GGA2: variants seen among roughly 807,000 people sequenced by gnomAD.
The protein encoded by GGA2 is ADP-ribosylation factor-binding protein GGA2.
GGA2 carries 48 observed loss-of-function variants against 79.5 expected under a neutral mutation model. That is an observed-to-expected ratio of 0.60 (90% CI 0.48 to 0.77). The LOEUF is 0.77. Ranked by LOEUF, GGA2 falls within the 30% of genes least tolerant of loss-of-function variation. GGA2 has a pLI of 0.00. For synonymous variants in GGA2, 317 were observed against 302.0 expected, an observed-to-expected ratio of 1.05 and a Z score of -0.51; for missense variants, 770 against 774.0, an observed-to-expected ratio of 0.99 and a Z score of 0.06.
In GGA2 at chr16:23,465,292, A is replaced by G; in HGVS notation, c.*2298T>C. The stretch of plus-strand genomic sequence containing the variant: ...GAGCCACTGTGCACAGCCAATAACT[A>G]CTTGTTAAGTGAATGAAGAGGTAGG... On this transcript the variant is annotated 3_prime_UTR_variant, in exon 17 of 17. Coordinates refer to ENST00000309859, the MANE Select transcript of GGA2 (RefSeq NM_015044.4). 2.8e-6 allele frequency: 2 copies of G among 702,100 alleles called. No individual in the cohort carries two copies. The highest frequency in any genetic ancestry group is 2.6e-6 in the Non-Finnish European group (1 of 384,482). 43.5% of individuals were successfully genotyped at this position (702,100 alleles called of 1,614,324 possible). A position where few individuals can be genotyped will look rare whatever the true frequency, so the allele number is the denominator to read the frequency against.
At chr16:23,498,814 C>T (rs542938024) in intron 1 of GGA2, among the ~76,000 whole-genome samples, 2 of 152,292 alleles carry the variant, frequency 1.3e-5, no homozygotes, top group Admixed American at 6.5e-5. Context: ...CTTACCCATA[C>T]GTACAACATA....
chr16:23,503,415 TTTC>T (rs1964941030), intron 1 of GGA2, among the ~76,000 whole-genome samples: 1 of 152,194 alleles, frequency 6.6e-6, no homozygotes, highest in African/African-American at 2.4e-5. Flanking sequence ...ATAATGATAT[TTTC>T]TTTTTTATCT....
chr16:23,490,188 G>A (rs890879258), intron 5 of GGA2, among the ~76,000 whole-genome samples: 8 of 152,110 alleles, frequency 5.3e-5, no homozygotes, highest in Non-Finnish European at 1.0e-4. Context: ...AAACTAGCTA[G>A]CCCCCAACCT....
intron 2 of GGA2, among the ~76,000 whole-genome samples, chr16:23,516,009 C>CT (rs1965100587): frequency 1.4e-5 from 1 of 73,678 alleles, no homozygotes. Context: ...CACCTCTGAC[C>CT]TATTTTTTTT....
At chr16:23,483,096 CAG>C (rs1964669617) in intron 8 of GGA2, 92 bp from the exon 9 acceptor site, 2 of 779,680 alleles carry the variant, frequency 2.6e-6, no homozygotes, top group African/African-American at 1.7e-5. Flanking sequence ...AGGCAGACGG[CAG>C]AGTCTGGGGC....
intron 13 of GGA2, among the ~76,000 whole-genome samples, chr16:23,476,395 A>G (rs958981556): frequency 1.3e-5 from 2 of 152,202 alleles, no homozygotes; most frequent in African/African-American, 2.4e-5. Flanking sequence ...GCAAAGGGAC[A>G]GGATCTATGA....
At chr16:23,478,001 T>C (rs1462955390) in intron 13 of GGA2, among the ~76,000 whole-genome samples, 2 of 151,244 alleles carry the variant, frequency 1.3e-5, no homozygotes, top group Non-Finnish European at 2.9e-5. Flanking sequence ...GAGACCAGCC[T>C]GGCCAACATG....
At chr16:23,488,288 T>G (rs577220064) in intron 6 of GGA2, among the ~76,000 whole-genome samples, 39 of 151,962 alleles carry the variant, frequency 2.6e-4, no homozygotes, top group Middle Eastern at 3.4e-3. Flanking sequence ...CAAAGTACCC[T>G]TGAAGGAGGA....
At chr16:23,489,468 T>A (rs1178429468) in intron 5 of GGA2, among the ~76,000 whole-genome samples, 1 of 152,144 alleles carries the variant, frequency 6.6e-6, no homozygotes, top group African/African-American at 2.4e-5. Context: ...CTCAAACTCC[T>A]GGCCTCAAGT....
At chr16:23,502,542 TTAA>T (rs1195978154) in intron 1 of GGA2, among the ~76,000 whole-genome samples, 1 of 152,242 alleles carries the variant, frequency 6.6e-6, no homozygotes, top group Admixed American at 6.5e-5. Context: ...CAAAAGCCTC[TTAA>T]TAATTCTAAC....
intron 8 of GGA2, among the ~76,000 whole-genome samples, chr16:23,483,829 T>C (rs1964679483): frequency 6.6e-6 from 1 of 151,188 alleles, no homozygotes; most frequent in East Asian, 2.0e-4. Context: ...GTATTTTTAG[T>C]AGAGATGGGG....
intron 1 of GGA2, among the ~76,000 whole-genome samples, chr16:23,509,578 T>C (rs1484484839): frequency 1.3e-5 from 2 of 152,044 alleles, no homozygotes; most frequent in Non-Finnish European, 2.9e-5. Context: ...GAATATTCTT[T>C]ATCCCCTTTG....
intron 5 of GGA2, among the ~76,000 whole-genome samples, chr16:23,490,201 A>C (rs1964765397): frequency 6.6e-6 from 1 of 152,152 alleles, no homozygotes; most frequent in Admixed American, 6.6e-5. Context: ...CCCAACCTAA[A>C]CATCAGCTAA....
chr16:23,509,701 G>A (rs1965013273), intron 1 of GGA2, among the ~76,000 whole-genome samples: 1 of 149,854 alleles, frequency 6.7e-6, no homozygotes, highest in African/African-American at 2.5e-5. Context: ...CCCAACCAGG[G>A]TAACATAATG....
chr16:23,470,655 TGA>T (rs940426912), intron 14 of GGA2, among the ~76,000 whole-genome samples: 1 of 151,764 alleles, frequency 6.6e-6, no homozygotes, highest in Non-Finnish European at 1.5e-5. Context: ...CCCAGCCATT[TGA>T]GAGGCTGAGG....
intron 14 of GGA2, among the ~76,000 whole-genome samples, chr16:23,470,401 T>G (rs1451021257): frequency 6.6e-6 from 1 of 152,110 alleles, no homozygotes; most frequent in East Asian, 1.9e-4. Flanking sequence ...ACACCACCAG[T>G]TATTAAAAAT....
chr16:23,473,548 G>A (rs1472888088), intron 14 of GGA2, among the ~76,000 whole-genome samples: 11 of 151,800 alleles, frequency 7.2e-5, no homozygotes, highest in Non-Finnish European at 4.4e-5. Flanking sequence ...GGCTGGTCTC[G>A]AACTCCTGAC....
At chr16:23,480,798 C>A in intron 9 of GGA2, 28 bp from the exon 10 acceptor site, 3 of 1,592,188 alleles carry the variant, frequency 1.9e-6, no homozygotes, top group Non-Finnish European at 2.6e-6. Context: ...ACTCAGAACC[C>A]CCTGGTTTGG....
At chr16:23,500,524 G>A (rs144226944) in intron 1 of GGA2, among the ~76,000 whole-genome samples, 1 of 152,110 alleles carries the variant, frequency 6.6e-6, no homozygotes, top group Non-Finnish European at 1.5e-5. Context: ...GCCCCAAGCG[G>A]GGCAGTGTGC....
Sources: gnomAD v4.1 joint callset for allele counts (sites outside exome capture counted in the v4.1 genomes callset) on GRCh38, gnomAD v4.1.1 for gene constraint, MANE v1.5 for transcripts, NCBI Gene and HGNC (gene_info 2026-07-23, HGNC 2026-07-21) for gene names.